The following NAAA variants were observed in gnomAD, a reference collection of about 807,000 sequenced individuals.
NAAA encodes the protein N-acylethanolamine-hydrolyzing acid amidase.
Under a neutral mutation model 44.8 loss-of-function variants are expected in NAAA, and 39 were observed. That is an observed-to-expected ratio of 0.87 (90% CI 0.67 to 1.14). The LOEUF is 1.14. Among genes scored for constraint, NAAA ranks in the 50% most tolerant of loss-of-function variants. The pLI is 0.00. For synonymous variants in NAAA, 178 were observed against 191.3 expected, an observed-to-expected ratio of 0.93 and a Z score of 0.58; for missense variants, 460 against 467.8, an observed-to-expected ratio of 0.98 and a Z score of 0.15.
intron 2 of NAAA, among the ~76,000 whole-genome samples, chr4:75,939,183 G>A (rs150895736): frequency 2.1e-3 from 324 of 152,034 alleles, no homozygotes; most frequent in African/African-American, 7.5e-3. Flanking sequence ...CCCACTTCCC[G>A]GTCCAAACAC....
chr4:75,937,788 A>G (rs149237519), intron 2 of NAAA, among the ~76,000 whole-genome samples: 1 of 152,016 alleles, frequency 6.6e-6, no homozygotes, highest in African/African-American at 2.4e-5. Flanking sequence ...GTGGCCGGCC[A>G]CCCTCCAAGG....
intron 10 of NAAA, 76 bp downstream of exon 10, chr4:75,914,792 G>A: frequency 9.9e-7 from 1 of 1,005,428 alleles, no homozygotes; most frequent in South Asian, 1.4e-5. Context: ...TACATTTTAA[G>A]GATGTTACCA....
chr4:75,925,330 C>T (rs766924180), intron 5 of NAAA, among the ~76,000 whole-genome samples: 16 of 152,150 alleles, frequency 1.1e-4, no homozygotes, highest in Admixed American at 7.2e-4. Context: ...CCACTGCGCC[C>T]TGCCTGGAGC....
chr4:75,932,554 C>T (rs1727320608), intron 3 of NAAA, among the ~76,000 whole-genome samples: 1 of 152,132 alleles, frequency 6.6e-6, no homozygotes. Flanking sequence ...GCAATCACGA[C>T]TCACTGCAGC....
At chr4:75,939,737 C>T (rs1052285548) in intron 2 of NAAA, 3 of 447,320 alleles carry the variant, frequency 6.7e-6, no homozygotes, top group Non-Finnish European at 1.2e-5. Flanking sequence ...TTTAAAAGTA[C>T]GCTACCTGGA....
chr4:75,914,974 T>G lies in NAAA; in HGVS notation c.1010A>C (p.Tyr337Ser), dbSNP rs1023342871. 6.2e-7 allele frequency: 1 copy of G among 1,611,244 alleles called. No individual in the cohort carries two copies. The highest frequency in any genetic ancestry group is 1.3e-5 in the African/African-American group (1 of 74,834). The part of the protein sequence containing the change: ...VVPVYNNFTI[Y>S]TTVMSAGSPD... ...GCTACCGGCGCTCATTACCGTAGTATAAATTGTGAAGCTGAAAATTATGAG... is the reference window on the plus strand; with the variant it reads ...GCTACCGGCGCTCATTACCGTAGTAGAAATTGTGAAGCTGAAAATTATGAG... Residue 337 changes from tyrosine to serine, a missense_variant, in exon 10 of 11, where the codon TAT (tyrosine) becomes TCT (serine). Transcript: ENST00000286733.
At chr4:75,912,834 C>G (rs1207742162), downstream of NAAA, among the ~76,000 whole-genome samples, 1 of 151,790 alleles carries the variant, frequency 6.6e-6, no homozygotes, top group African/African-American at 2.4e-5. Flanking sequence ...ATGTGTGATA[C>G]AGCTGGCATG....
Position 75,918,898 on chromosome 4 carries a change from T to C in NAAA, c.970-109A>G. On this transcript the variant is annotated intron_variant, in intron 8 of 10. Transcript: ENST00000286733. ...TGGCTCAGGCCTGTAATCCCAGCAC[T>C]TTGGGAAGCCGACGTGGGAGGATTA... 9.5e-7 allele frequency: 1 copy of C among 1,054,104 alleles called. No individual in the cohort carries two copies. Among genetic ancestry groups the C allele is most frequent in the South Asian group, 1.3e-5 (1 of 76,500 alleles). 65.3% of individuals were successfully genotyped at this position (1,054,104 alleles called of 1,614,324 possible).
At chr4:75,911,739 C>A (rs1233269927), downstream of NAAA, among the ~76,000 whole-genome samples, 1 of 152,130 alleles carries the variant, frequency 6.6e-6, no homozygotes, top group Non-Finnish European at 1.5e-5. Context: ...GGGGAAGTCA[C>A]AAATCTTTGA....
downstream of NAAA, among the ~76,000 whole-genome samples, chr4:75,911,166 G>A (rs1337759948): frequency 6.6e-6 from 1 of 152,184 alleles, no homozygotes; most frequent in Admixed American, 6.5e-5. Flanking sequence ...GATCAGTTAG[G>A]GTGGGGCAGG....
At chr4:75,915,045 A>G (rs1725520231) in intron 9 of NAAA, 60 bp from the exon 10 acceptor site, 2 of 1,267,532 alleles carry the variant, frequency 1.6e-6, no homozygotes, top group Non-Finnish European at 2.3e-6. Flanking sequence ...CAGAAAGGGA[A>G]GAAAATGACC....
At chr4:75,936,005 G>T in intron 3 of NAAA, 104 bp downstream of exon 3, 2 of 1,408,928 alleles carry the variant, frequency 1.4e-6, no homozygotes, top group Admixed American at 1.9e-5. Flanking sequence ...ATTTTTTTGT[G>T]TCTTACACTG....
chr4:75,918,650 C>T (rs1725854487), intron 9 of NAAA, 111 bp downstream of exon 9: 1 of 1,148,464 alleles, frequency 8.7e-7, no homozygotes, highest in African/African-American at 1.5e-5. Flanking sequence ...CAGGAGTGCC[C>T]CCACAGCCTG....
At chr4:75,939,555 A>G (rs898453692) in intron 2 of NAAA, among the ~76,000 whole-genome samples, 2 of 151,338 alleles carry the variant, frequency 1.3e-5, no homozygotes, top group Non-Finnish European at 2.9e-5. Context: ...AGCTGGGATT[A>G]CAGGCGCCCA....
chr4:75,929,926 C>T (rs1727079713), intron 4 of NAAA, among the ~76,000 whole-genome samples: 1 of 151,986 alleles, frequency 6.6e-6, no homozygotes, highest in Non-Finnish European at 1.5e-5. Context: ...CCCATCTCTA[C>T]CAAAAATACA....
rs150275692 is a variant in NAAA, at chr4:75,921,283, A to T, written c.667-160T>A. On this transcript the variant is annotated intron_variant, in intron 5 of 10. Transcript: ENST00000286733. ...TCCTCTTGTTATCAGGGCTCCTAAG[A>T]TGGAAGAAATTTCAGCTTCAAAGCG... Among the ~76,000 whole-genome samples the T allele has an allele frequency of 7.9e-3, 1,197 of 152,326 alleles. 11 individuals carry two copies. Among genetic ancestry groups the T allele is most frequent in the African/African-American group, 0.028 (1,155 of 41,576 alleles).
chr4:75,935,780 C>T (rs1727648647), intron 3 of NAAA: 1 of 384,354 alleles, frequency 2.6e-6, no homozygotes, highest in Admixed American at 4.5e-5. Context: ...TACCCAGCCC[C>T]TCCATATTCC....
intron 5 of NAAA, among the ~76,000 whole-genome samples, chr4:75,922,677 T>C (rs1408558823): frequency 6.6e-6 from 1 of 152,270 alleles, no homozygotes; most frequent in African/African-American, 2.4e-5. Flanking sequence ...TCCTATGTCA[T>C]GTACATGTTA....
rs768770634 is a variant in NAAA at position 75,936,072 on chromosome 4, C to T, written c.498+37G>A. 4 of 1,612,200 alleles carry T rather than the reference C, an allele frequency of 2.5e-6. No individual in the cohort carries two copies. In the South Asian group the frequency reaches 4.4e-5, roughly 18 times the overall value. On this transcript the variant is annotated intron_variant, in intron 3 of 10. Transcript: ENST00000286733. ...TGACTGCTAACTTGAGTTTGCAAAT[C>T]TTTCTGATTTTTTATCTTATATGGT...
Sources: gnomAD v4.1 joint callset for allele counts (sites outside exome capture counted in the v4.1 genomes callset) on GRCh38, gnomAD v4.1.1 for gene constraint, MANE v1.5 for transcripts, NCBI Gene and HGNC (gene_info 2026-07-23, HGNC 2026-07-21) for gene names.